Variants in KIDINS220 observed in about 807,000 individuals in gnomAD.
KIDINS220 encodes kinase D interacting substrate 220, also known as kinase D-interacting substrate of 220 kDa.
A neutral mutation model predicts 157.6 loss-of-function variants in KIDINS220; 63 were observed. That is an observed-to-expected ratio of 0.40 (90% CI 0.33 to 0.49). The LOEUF is 0.49. KIDINS220 is among the 20% of genes least tolerant of loss of function. The pLI is 0.66. For synonymous variants in KIDINS220, 732 were observed against 783.6 expected (o/e 0.93, Z 1.10); for missense variants, 1,772 against 2,171.2 (o/e 0.82, Z 3.65).
chr2:8,809,074 A>G lies in KIDINS220; in HGVS notation c.505-2705T>C, dbSNP rs529719545. 1.7e-3 allele frequency among the ~76,000 whole-genome samples: 262 copies of G among 152,234 alleles called. 1 individual carries two copies. Among genetic ancestry groups the G allele is most frequent in the Non-Finnish European group, 3.0e-3 (207 of 68,030 alleles). On this transcript the variant is annotated intron_variant, in intron 6 of 29. Transcript: ENST00000256707. ...CACTCTGCTGCCCAGACTGGAGTGC[A>G]GTGGCACAATCTCAGCTCACTGCAA...
At chr2:8,732,042 A>T in intron 29 of KIDINS220, 60 bp from the exon 30 acceptor site, 1 of 1,436,264 alleles carries the variant, frequency 7.0e-7, no homozygotes. Flanking sequence ...AGGCATAAAC[A>T]TCAGCTTAGG....
At chr2:8,830,177 C>A (rs1208798000) in intron 1 of KIDINS220, among the ~76,000 whole-genome samples, 1 of 152,194 alleles carries the variant, frequency 6.6e-6, no homozygotes, top group Non-Finnish European at 1.5e-5. Flanking sequence ...ACCATCTATA[C>A]TAATCAAGAC....
chr2:8,766,931 G>A (rs1254481632), intron 22 of KIDINS220, among the ~76,000 whole-genome samples: 1 of 152,138 alleles, frequency 6.6e-6, no homozygotes, highest in Non-Finnish European at 1.5e-5. Flanking sequence ...ATAATGCAAA[G>A]CCAGAAATGC....
At chr2:8,757,852 G>T (rs1384404139) in intron 22 of KIDINS220, 6 of 1,355,884 alleles carry the variant, frequency 4.4e-6, no homozygotes, top group African/African-American at 1.4e-5. Context: ...TTGGAATTCT[G>T]TATGTTTTCT....
intron 12 of KIDINS220, among the ~76,000 whole-genome samples, chr2:8,792,586 C>A (rs766813974): frequency 1.3e-5 from 2 of 152,164 alleles, no homozygotes; most frequent in Admixed American, 1.3e-4. Flanking sequence ...ATGAGATTTT[C>A]TTTTCTTATT....
chr2:8,768,603 C>T (rs1449744013), intron 22 of KIDINS220, among the ~76,000 whole-genome samples: 1 of 151,986 alleles, frequency 6.6e-6, no homozygotes, highest in African/African-American at 2.4e-5. Flanking sequence ...TTACTACTAG[C>T]GTTAAAAATA....
chr2:8,762,402 G>A (rs919090348), intron 22 of KIDINS220, among the ~76,000 whole-genome samples: 27 of 152,134 alleles, frequency 1.8e-4, no homozygotes, highest in African/African-American at 6.5e-4. Context: ...ATGGCATTAT[G>A]AGAGTAAAGT....
rs115206907 is a variant in KIDINS220 at position 8,836,008 on chromosome 2, G to A, written c.-37+1472C>T. Among the ~76,000 whole-genome samples, 616 of 152,244 alleles carry A rather than the reference G, an allele frequency of 4.0e-3. 6 individuals are homozygous for A. Among genetic ancestry groups the A allele is most frequent in the African/African-American group, 0.014 (584 of 41,534 alleles). ...CCAGACAGTACACAAGAGAGGCAGT[G>A]GGAATAGAGAAGAAATGAGGGATAT... On this transcript the variant is annotated intron_variant, in intron 1 of 29. Coordinates refer to ENST00000256707, the MANE Select transcript of KIDINS220 (RefSeq NM_020738.4).
rs780568354 is a variant in KIDINS220, at chr2:8,806,368, T to C, written c.506A>G (p.Tyr169Cys). 1.9e-6 allele frequency: 3 copies of C among 1,584,332 alleles called. No individual in the cohort carries two copies. The highest frequency in any genetic ancestry group is 1.8e-5 in the Admixed American group (1 of 56,722). ...AGCCCAAACTAAAGGGGTGGTTCCATACTATTAAAACAAACAATAAATTTA... is the reference window on the plus strand; with the variant it reads ...AGCCCAAACTAAAGGGGTGGTTCCACACTATTAAAACAAACAATAAATTTA... ...NGAKVNCSDKYGTTPLVWAAR... is the reference protein window; with the variant it reads ...NGAKVNCSDKCGTTPLVWAAR... Residue 169 changes from tyrosine to cysteine, a missense_variant and splice_region_variant, in exon 7 of 30, where the codon TAT becomes TGT. This residue lies in a region of KIDINS220 where 254 missense variants were observed against 268.6 expected (regional missense o/e 0.95). Transcript: ENST00000256707.
rs931449682 is a variant in KIDINS220 at position 8,837,534 on chromosome 2, A to C, written c.-91T>G. On this transcript the variant is annotated 5_prime_UTR_variant, in exon 1 of 30. Transcript: ENST00000256707. The stretch of plus-strand genomic sequence containing the variant: ...GCTCGGCTGCAGGCGATGTCAGAGG[A>C]CGGGGAAGCAAGAGACGGCGACTGC... The C allele has an allele frequency of 1.3e-5, 2 of 152,254 alleles. No homozygotes were observed. Among genetic ancestry groups the C allele is most frequent in the Non-Finnish European group, 2.9e-5 (2 of 68,108 alleles). The allele number at this position is 152,254 out of a possible 1,614,324, so 9.4% of individuals were successfully genotyped here. A position where few individuals can be genotyped will look rare whatever the true frequency, so the allele number is the denominator to read the frequency against.
chr2:8,769,134 T>C (rs1419883201), intron 22 of KIDINS220, among the ~76,000 whole-genome samples: 1 of 152,128 alleles, frequency 6.6e-6, no homozygotes, highest in Non-Finnish European at 1.5e-5. Flanking sequence ...CCTCATTCTA[T>C]CCCCACCTAA....
At chr2:8,765,021 T>TG (rs141538509) in intron 22 of KIDINS220, among the ~76,000 whole-genome samples, 3,413 of 152,030 alleles carry the variant, frequency 0.022, 126 homozygotes, top group African/African-American at 0.078. Context: ...CCTCGAAGGA[T>TG]GGGGGGGCTT....
At chr2:8,784,067 CAA>C (rs1316479741) in intron 17 of KIDINS220, among the ~76,000 whole-genome samples, 2 of 150,604 alleles carry the variant, frequency 1.3e-5, no homozygotes, top group Non-Finnish European at 3.0e-5. Context: ...AACGAACAGA[CAA>C]AGAGAAAGAG....
At position 8,770,778 on chromosome 2, in the gene KIDINS220, C is replaced by T; in HGVS notation, c.2903G>A (p.Trp968Ter). Residue 968 changes from tryptophan to a stop codon, truncating the protein, a stop_gained, in exon 22 of 30, where the codon TGG becomes TAG. Coordinates refer to ENST00000256707, the MANE Select transcript of KIDINS220 (RefSeq NM_020738.4). LOFTEE classifies it high-confidence loss of function. ...TGGCCACTGCTCAGTAAGGTTGATC[C>T]AGCTAGCAAGCCTGTCCCAGTTGAA... ...ISFNWDRLAS[W>*]INLTEQWPYR... The T allele has an allele frequency of 6.2e-7, 1 of 1,612,764 alleles. No individual in the cohort carries two copies. Among genetic ancestry groups the T allele is most frequent in the Non-Finnish European group, 8.5e-7 (1 of 1,179,194 alleles).
In KIDINS220 at chr2:8,736,832, C is replaced by T. The variant is rs774685997; in HGVS notation, c.3717+36G>A. The T allele has an allele frequency of 1.6e-5, 26 of 1,611,096 alleles. No homozygotes were observed. The African/African-American group carries it at 1.7e-4, about 11-fold the overall frequency. On this transcript the variant is annotated intron_variant, in intron 27 of 29. Transcript: ENST00000256707. The stretch of plus-strand genomic sequence containing the variant: ...ACACAGTCCTGTCTTCCGCCCCCAG[C>T]GCTGTCTCTGGTCCGTGTGTAAGTG...
intron 22 of KIDINS220, among the ~76,000 whole-genome samples, chr2:8,764,683 G>C (rs561505652): frequency 6.9e-4 from 105 of 152,286 alleles, no homozygotes; most frequent in African/African-American, 2.4e-3. Context: ...TAAGCCTAAA[G>C]AATGAAGTAT....
intron 26 of KIDINS220, among the ~76,000 whole-genome samples, chr2:8,737,899 T>A (rs1043659302): frequency 1.3e-5 from 2 of 152,230 alleles, no homozygotes; most frequent in African/African-American, 4.8e-5. Flanking sequence ...ATTTTCCTTT[T>A]TCCAACTTCT....
intron 1 of KIDINS220, among the ~76,000 whole-genome samples, chr2:8,835,488 A>G (rs1167625899): frequency 6.6e-6 from 1 of 152,102 alleles, no homozygotes; most frequent in Non-Finnish European, 1.5e-5. Context: ...ATAAAATGAT[A>G]CAGTTCTGAG....
At position 8,786,262 on chromosome 2, in the gene KIDINS220, T is replaced by C; in HGVS notation, c.1883A>G (p.Glu628Gly). 1 of 1,614,042 alleles carries C rather than the reference T, an allele frequency of 6.2e-7. No homozygotes were observed. Among genetic ancestry groups the C allele is most frequent in the Non-Finnish European group, 8.5e-7 (1 of 1,179,986 alleles). ...IATLSDACEREFGFLATRLFR... is the reference protein window; with the variant it reads ...IATLSDACERGFGFLATRLFR... ...AAGCCTGGTTGCCAAAAAGCCAAAC[T>C]CTCTTTCACAAGCATCCGAGAGGGT... The change falls in exon 16 of 30, where the codon GAG becomes GGG. Residue 628 changes from glutamate (E) to glycine (G), a missense_variant. Physicochemically the swap from Glu to Gly is moderately conservative, Grantham distance 98 (BLOSUM62 -2). Coordinates refer to ENST00000256707, the MANE Select transcript of KIDINS220 (RefSeq NM_020738.4).
Sources: gnomAD v4.1 joint callset for allele counts (sites outside exome capture counted in the v4.1 genomes callset) on GRCh38, gnomAD v4.1.1 for gene constraint, gnomAD v4.1.1 regional missense constraint, MANE v1.5 for transcripts, NCBI Gene and HGNC (gene_info 2026-07-23, HGNC 2026-07-21) for gene names.